PCBP3: variants seen among roughly 807,000 people sequenced by gnomAD.
PCBP3 encodes the protein poly(rC)-binding protein 3.
PCBP3 carries 25 observed loss-of-function variants against 52.7 expected under a neutral mutation model. The observed-to-expected ratio is 0.47, with a 90% confidence interval of 0.35 to 0.66. The LOEUF is 0.66. Among genes scored for constraint, PCBP3 ranks in the 30% least tolerant of loss-of-function variants. The probability of loss-of-function intolerance (pLI) is 0.01; values close to 1 mark genes in which losing one functional copy is unlikely to be tolerated. For missense variants in PCBP3, 391 were observed against 490.3 expected, an observed-to-expected ratio of 0.80 and a Z score of 1.91; for synonymous variants, 162 against 183.0, an observed-to-expected ratio of 0.89 and a Z score of 0.93.
chr21:45,870,897 C>G (rs1330753163), intron 5 of PCBP3: 1 of 153,656 alleles, frequency 6.5e-6, no homozygotes, highest in East Asian at 1.9e-4. Context: ...CTCTCATGCG[C>G]AGAACCCCTG....
intron 4 of PCBP3, among the ~76,000 whole-genome samples, chr21:45,823,971 A>G (rs1010461005): frequency 1.1e-4 from 16 of 151,836 alleles, no homozygotes; most frequent in Non-Finnish European, 2.2e-4. Flanking sequence ...CAAACTCCTG[A>G]CCTCACGTAA....
At chr21:45,932,469 C>G (rs1231303682) in intron 15 of PCBP3, among the ~76,000 whole-genome samples, 2 of 151,728 alleles carry the variant, frequency 1.3e-5, no homozygotes, top group African/African-American at 4.8e-5. Flanking sequence ...CTGGGCCATG[C>G]TGTCCTGAGA....
intron 15 of PCBP3, 119 bp downstream of exon 15, chr21:45,930,964 GC>G: frequency 7.1e-7 from 1 of 1,402,076 alleles, no homozygotes; most frequent in Non-Finnish European, 9.7e-7. Context: ...GAGGCTGTGG[GC>G]CAGCCTCAGG....
chr21:45,683,851 G>A (rs2081996855), intron 2 of PCBP3, among the ~76,000 whole-genome samples: 2 of 151,744 alleles, frequency 1.3e-5, no homozygotes, highest in Admixed American at 6.6e-5. Context: ...GCATGAACCC[G>A]GGAGGCAGAG....
At chr21:45,940,781 C>CAG (rs1248909444) in intron 17 of PCBP3, among the ~76,000 whole-genome samples, 1 of 151,954 alleles carries the variant, frequency 6.6e-6, no homozygotes, top group African/African-American at 2.4e-5. Context: ...ACCACCAGCC[C>CAG]CGCCAGGCAC....
rs1233249280 is a variant in PCBP3 at position 45,853,719 on chromosome 21, T to C, written c.10+3624T>C. ...TTAAAAAGCTAAGAAACATGAGTGG[T>C]GTTAAACCATTCTGCCTGTGTGAGT... On this transcript the variant is annotated intron_variant, in intron 5 of 17. Transcript: ENST00000681687. This position sits in a 1 kb window ranked among gnomAD's most constrained non-coding sequence, Gnocchi z 4.6. Among the ~76,000 whole-genome samples, 1 of 152,158 alleles carries C rather than the reference T, an allele frequency of 6.6e-6. No individual in the cohort carries two copies. The highest frequency in any genetic ancestry group is 1.5e-5 in the Non-Finnish European group (1 of 68,020).
chr21:45,841,796 C>A (rs1001514712), intron 4 of PCBP3, among the ~76,000 whole-genome samples: 2 of 152,212 alleles, frequency 1.3e-5, no homozygotes, highest in African/African-American at 2.4e-5. Context: ...GCCTCAGCAA[C>A]CAAGAGGTCT....
intron 4 of PCBP3, among the ~76,000 whole-genome samples, chr21:45,823,914 T>G (rs2093227206): frequency 6.6e-6 from 1 of 151,814 alleles, no homozygotes; most frequent in South Asian, 2.1e-4. Flanking sequence ...GCTAATTTTT[T>G]TATTTTTAGT....
chr21:45,789,468 G>T (rs2091392753), intron 4 of PCBP3, among the ~76,000 whole-genome samples: 2 of 152,204 alleles, frequency 1.3e-5, no homozygotes, highest in Non-Finnish European at 2.9e-5. Flanking sequence ...GCAGTTGGGG[G>T]TTGCCAGTGT....
chr21:45,833,887 A>G (rs2093514970), intron 4 of PCBP3, among the ~76,000 whole-genome samples: 2 of 152,200 alleles, frequency 1.3e-5, no homozygotes, highest in African/African-American at 2.4e-5. Flanking sequence ...AAAGTCATAA[A>G]ATCATATTTG....
chr21:45,767,241 G>A (rs1241821949), intron 4 of PCBP3, among the ~76,000 whole-genome samples: 1 of 151,990 alleles, frequency 6.6e-6, no homozygotes, highest in Admixed American at 6.6e-5. Flanking sequence ...GCCCCTGGCA[G>A]CCACTAGTCT....
rs777454456 is a variant in PCBP3 at position 45,821,687 on chromosome 21, A to G, written c.-125-28274A>G. Among the ~76,000 whole-genome samples, 15 of 151,794 alleles carry G rather than the reference A, an allele frequency of 9.9e-5. No homozygotes were observed. The highest frequency in any genetic ancestry group is 2.2e-4 in the Non-Finnish European group (15 of 67,994). On this transcript the variant is annotated intron_variant, in intron 4 of 17. Transcript: ENST00000681687. The surrounding 1 kb of genome is among the most constrained non-coding windows in gnomAD (Gnocchi z 4.4). ...ATGCTGACTGCTCGTGACATGTTGCAGCCTGTCTCTGCTCCCTTCCCTGCT... is the reference window on the plus strand; with the variant it reads ...ATGCTGACTGCTCGTGACATGTTGCGGCCTGTCTCTGCTCCCTTCCCTGCT...
At chr21:45,684,895 G>A (rs1254418910) in intron 2 of PCBP3, among the ~76,000 whole-genome samples, 1 of 152,178 alleles carries the variant, frequency 6.6e-6, no homozygotes, top group African/African-American at 2.4e-5. Context: ...AGTGTTTATA[G>A]TGATTTACAT....
intron 5 of PCBP3, among the ~76,000 whole-genome samples, chr21:45,874,029 C>T (rs1048204970): frequency 3.9e-5 from 6 of 151,938 alleles, no homozygotes; most frequent in Non-Finnish European, 5.9e-5. Flanking sequence ...GGATCACAGG[C>T]GTGAGCCACC....
At chr21:45,863,597 C>G (rs1161352592) in intron 5 of PCBP3, among the ~76,000 whole-genome samples, 2 of 152,188 alleles carry the variant, frequency 1.3e-5, no homozygotes, top group Non-Finnish European at 2.9e-5. Flanking sequence ...GGCTCCCGCC[C>G]GAGGCCAATG....
chr21:45,856,827 A>G (rs959746402), intron 5 of PCBP3, among the ~76,000 whole-genome samples: 153 of 152,360 alleles, frequency 1.0e-3, no homozygotes, highest in African/African-American at 3.6e-3. Flanking sequence ...GGCATGAGAC[A>G]TCAATCAAAT....
intron 5 of PCBP3, among the ~76,000 whole-genome samples, chr21:45,864,700 C>A (rs1482494936): frequency 6.6e-6 from 1 of 152,140 alleles, no homozygotes; most frequent in African/African-American, 2.4e-5. Flanking sequence ...AATAGCTTGC[C>A]AGAGCCAAAG....
chr21:45,709,681 C>A (rs1466844558), intron 2 of PCBP3, among the ~76,000 whole-genome samples: 1 of 152,126 alleles, frequency 6.6e-6, no homozygotes, highest in Non-Finnish European at 1.5e-5. Context: ...TAACATCTTA[C>A]ATCAGTAAGG....
chr21:45,667,134 C>T (rs1235350489), intron 1 of PCBP3, among the ~76,000 whole-genome samples: 1 of 115,850 alleles, frequency 8.6e-6, no homozygotes, highest in Non-Finnish European at 1.9e-5. Context: ...CTTCCCTTCC[C>T]TTCCCTTTTT....
Sources: gnomAD v4.1 joint callset for allele counts (sites outside exome capture counted in the v4.1 genomes callset) on GRCh38, gnomAD v4.1.1 for gene constraint, Gnocchi (gnomAD v3.1) non-coding constraint, MANE v1.5 for transcripts, NCBI Gene and HGNC (gene_info 2026-07-23, HGNC 2026-07-21) for gene names.